RAD51B: variants seen among roughly 807,000 people sequenced by gnomAD.
The protein encoded by RAD51B is RAD51 paralog B, also known as DNA repair protein RAD51 homolog 2.
RAD51B carries 38 observed loss-of-function variants against 42.2 expected under a neutral mutation model. The ratio of observed to expected loss-of-function variants is 0.90; its 90% CI spans 0.70 to 1.18. The LOEUF is 1.18. Among genes scored for constraint, RAD51B ranks in the 50% most tolerant of loss-of-function variants. The pLI, the probability that RAD51B is intolerant of heterozygous loss-of-function variation, is 0.00. For synonymous variants in RAD51B, 154 were observed against 145.2 expected (o/e 1.06, Z -0.43); for missense variants, 373 against 400.7 (o/e 0.93, Z 0.59).
chr14:67,974,773 A>G (rs1356600742), intron 7 of RAD51B, among the ~76,000 whole-genome samples: 1 of 152,096 alleles, frequency 6.6e-6, no homozygotes, highest in Non-Finnish European at 1.5e-5. Flanking sequence ...TTCTCTTTTT[A>G]TGGAAAAAAC....
At chr14:67,828,124 T>G (rs907052366) in intron 3 of RAD51B, among the ~76,000 whole-genome samples, 4 of 152,214 alleles carry the variant, frequency 2.6e-5, no homozygotes, top group African/African-American at 9.6e-5. Flanking sequence ...AAAGCATTCC[T>G]ATTAGTCTGC....
At chr14:68,155,628 T>A (rs908581712) in intron 7 of RAD51B, among the ~76,000 whole-genome samples, 1 of 152,176 alleles carries the variant, frequency 6.6e-6, no homozygotes, top group African/African-American at 2.4e-5. Context: ...AGCCTCTTCT[T>A]ATGGTTCCTA....
At chr14:68,561,274 C>G (rs1889134842) in intron 10 of RAD51B, among the ~76,000 whole-genome samples, 1 of 152,196 alleles carries the variant, frequency 6.6e-6, no homozygotes. Context: ...ATTTAAGGAT[C>G]ATTTAGGGGG....
At chr14:68,181,599 G>C (rs2079062080) in intron 7 of RAD51B, among the ~76,000 whole-genome samples, 2 of 152,190 alleles carry the variant, frequency 1.3e-5, no homozygotes, top group African/African-American at 4.8e-5. Context: ...TAAGCCTGTG[G>C]CTTTGATTAT....
chr14:68,160,470 A>G (rs1262635678), intron 7 of RAD51B, among the ~76,000 whole-genome samples: 2 of 152,144 alleles, frequency 1.3e-5, no homozygotes, highest in Non-Finnish European at 2.9e-5. Flanking sequence ...CAACTTAGAA[A>G]TCTTACTCTG....
chr14:67,823,729 A>T lies in RAD51B; in HGVS notation c.84+102A>T. 3 of 871,150 alleles carry T rather than the reference A, an allele frequency of 3.4e-6. 1 individual carries two copies. In the Middle Eastern group the frequency reaches 7.6e-4, roughly 222 times the overall value. The allele number at this position is 871,150 out of a possible 1,614,324, so 54.0% of individuals were successfully genotyped here. A position where few individuals can be genotyped will look rare whatever the true frequency, so the allele number is the denominator to read the frequency against. ...AAATATGAAAATGTAGGCTTACAAA[A>T]AAAAGATAAATGATGGTGCTTTTCC... On this transcript the variant is annotated intron_variant, in intron 2 of 10. Coordinates refer to ENST00000471583, the MANE Select transcript of RAD51B (RefSeq NM_133510.4).
chr14:67,909,061 A>G (rs1300678134), intron 7 of RAD51B, among the ~76,000 whole-genome samples: 1 of 152,202 alleles, frequency 6.6e-6, no homozygotes. Context: ...TGTGTATTAA[A>G]ACTTTTGTTT....
At chr14:68,082,942 T>A (rs1167421001) in intron 7 of RAD51B, among the ~76,000 whole-genome samples, 6 of 152,202 alleles carry the variant, frequency 3.9e-5, no homozygotes, top group Non-Finnish European at 8.8e-5. Context: ...AATAATAGTC[T>A]CTTTCCCCAG....
At chr14:68,054,146 T>C (rs866295686) in intron 7 of RAD51B, among the ~76,000 whole-genome samples, 9 of 152,330 alleles carry the variant, frequency 5.9e-5, no homozygotes, top group Middle Eastern at 3.4e-3. Flanking sequence ...ACAATACTAT[T>C]ATCTAGTCTG....
chr14:68,366,589 G>A (rs1242450009), intron 8 of RAD51B, among the ~76,000 whole-genome samples: 1 of 152,184 alleles, frequency 6.6e-6, no homozygotes, highest in Non-Finnish European at 1.5e-5. Flanking sequence ...GGGGTTTCTT[G>A]CCTATTGACA....
At chr14:68,064,115 T>C (rs973370864) in intron 7 of RAD51B, among the ~76,000 whole-genome samples, 2 of 152,252 alleles carry the variant, frequency 1.3e-5, no homozygotes, top group Non-Finnish European at 2.9e-5. Context: ...AGGACTCCCT[T>C]AATCATTTCT....
intron 10 of RAD51B, among the ~76,000 whole-genome samples, chr14:68,594,076 G>T (rs1486865747): frequency 2.0e-5 from 3 of 152,154 alleles, no homozygotes; most frequent in African/African-American, 7.2e-5. Context: ...AAAGAGAGGT[G>T]GGACAAAAAT....
At chr14:68,238,703 C>G (rs2140997309) in intron 7 of RAD51B, among the ~76,000 whole-genome samples, 1 of 152,338 alleles carries the variant, frequency 6.6e-6, no homozygotes, top group East Asian at 1.9e-4. Flanking sequence ...TAAAACCAGA[C>G]CATATAATGT....
intron 9 of RAD51B, among the ~76,000 whole-genome samples, chr14:68,418,085 G>A (rs2084608347): frequency 6.6e-6 from 1 of 152,140 alleles, no homozygotes; most frequent in Admixed American, 6.5e-5. Context: ...AAAGGCGAAA[G>A]ATTTACGCGA....
At chr14:68,141,962 C>A in intron 7 of RAD51B, among the ~76,000 whole-genome samples, 1 of 147,922 alleles carries the variant, frequency 6.8e-6, no homozygotes, top group South Asian at 2.1e-4. Flanking sequence ...AGGGTCATTC[C>A]ATTCATATGT....
rs79594681 is a variant in RAD51B at position 68,496,458 on chromosome 14, C to T, written c.1036+28208C>T. 7.8e-3 allele frequency among the ~76,000 whole-genome samples: 1,183 copies of T among 152,356 alleles called. 5 individuals are homozygous for T. Among genetic ancestry groups the T allele is most frequent in the Non-Finnish European group, 0.012 (813 of 68,036 alleles). Reference sequence around the variant, plus strand: ...AATGCTGGTCTCCTGTCACCATCTTCCTTTAACACTGGGGTCCACTGTCCC... The same window carrying T: ...AATGCTGGTCTCCTGTCACCATCTTTCTTTAACACTGGGGTCCACTGTCCC... On this transcript the variant is annotated intron_variant, in intron 10 of 10. Transcript: ENST00000487270.
chr14:68,630,178 C>G (rs1054579710), intron 10 of RAD51B, among the ~76,000 whole-genome samples: 1 of 59,198 alleles, frequency 1.7e-5, no homozygotes, highest in Non-Finnish European at 3.9e-5. Flanking sequence ...CAGGACTGTG[C>G]TCACAAGCTT....
intron 8 of RAD51B, among the ~76,000 whole-genome samples, chr14:68,399,589 A>T (rs1469449921): frequency 6.6e-6 from 1 of 152,018 alleles, no homozygotes; most frequent in East Asian, 1.9e-4. Context: ...TGCCTCATTT[A>T]TTTTTATCTC....
At chr14:68,220,909 G>C (rs2079913307) in intron 7 of RAD51B, among the ~76,000 whole-genome samples, 1 of 152,090 alleles carries the variant, frequency 6.6e-6, no homozygotes, top group African/African-American at 2.4e-5. Context: ...GAGGCAGGCA[G>C]ATCACGAGGT....
Sources: gnomAD v4.1 joint callset for allele counts (sites outside exome capture counted in the v4.1 genomes callset) on GRCh38, gnomAD v4.1.1 for gene constraint, MANE v1.5 for transcripts, NCBI Gene and HGNC (gene_info 2026-07-23, HGNC 2026-07-21) for gene names.